The following ERC2 variants were observed in gnomAD, a reference collection of about 807,000 sequenced individuals.
ERC2 encodes ERC protein 2.
A neutral mutation model predicts 114.8 loss-of-function variants in ERC2; 42 were observed. That is an observed-to-expected ratio of 0.37 (90% CI 0.29 to 0.47). The LOEUF (loss-of-function observed/expected upper bound fraction) is 0.47, where lower values mean the gene tolerates loss of function less well. Ranked by LOEUF, ERC2 falls within the 20% of genes least tolerant of loss-of-function variation. The pLI, the probability that ERC2 is intolerant of heterozygous loss-of-function variation, is 0.99. For synonymous variants in ERC2, 454 were observed against 425.5 expected, an observed-to-expected ratio of 1.07 and a Z score of -0.82; for missense variants, 939 against 1,150.7, an observed-to-expected ratio of 0.82 and a Z score of 2.66.
intron 12 of ERC2, among the ~76,000 whole-genome samples, chr3:55,975,554 T>C (rs1454328680): frequency 6.6e-6 from 1 of 152,202 alleles, no homozygotes; most frequent in Non-Finnish European, 1.5e-5. Flanking sequence ...ATTTCATTAA[T>C]TATCCCTACA....
At chr3:56,460,464 T>C (rs1444696637) in intron 1 of ERC2, among the ~76,000 whole-genome samples, 2 of 152,234 alleles carry the variant, frequency 1.3e-5, no homozygotes, top group South Asian at 2.1e-4. Flanking sequence ...CCTGCCTTTA[T>C]GGAACTTATC....
intron 7 of ERC2, among the ~76,000 whole-genome samples, chr3:56,076,147 C>G (rs1166901664): frequency 2.6e-5 from 4 of 152,308 alleles, no homozygotes; most frequent in South Asian, 2.1e-4. Context: ...AGCCAGTGGA[C>G]TTGGCTTCCA....
intron 5 of ERC2, among the ~76,000 whole-genome samples, chr3:56,141,348 T>C (rs577713674): frequency 1.3e-5 from 2 of 152,334 alleles, no homozygotes; most frequent in African/African-American, 2.4e-5. Context: ...ATACCTGTTA[T>C]AGCCCTAGCC....
intron 14 of ERC2, among the ~76,000 whole-genome samples, chr3:55,780,286 A>G (rs371861528): frequency 1.1e-4 from 17 of 152,338 alleles, no homozygotes; most frequent in Admixed American, 9.2e-4. Context: ...AGTACATAAA[A>G]TCATGAAAAA....
At chr3:55,812,766 G>A (rs1368944194) in intron 14 of ERC2, among the ~76,000 whole-genome samples, 6 of 152,210 alleles carry the variant, frequency 3.9e-5, no homozygotes, top group Non-Finnish European at 7.3e-5. Context: ...AATAGGAGAG[G>A]GGGAAACCCC....
At chr3:55,826,609 T>C (rs990978551) in intron 14 of ERC2, among the ~76,000 whole-genome samples, 1 of 152,232 alleles carries the variant, frequency 6.6e-6, no homozygotes, top group African/African-American at 2.4e-5. Context: ...TTGTTTACTG[T>C]ATCAGATATA....
At chr3:56,448,445 C>T (rs1476771463) in intron 1 of ERC2, among the ~76,000 whole-genome samples, 1 of 152,164 alleles carries the variant, frequency 6.6e-6, no homozygotes, top group Non-Finnish European at 1.5e-5. Flanking sequence ...ACTTAGAATA[C>T]TTAGACTCCT....
chr3:56,107,515 T>G (rs768586886), intron 6 of ERC2, among the ~76,000 whole-genome samples: 3 of 152,060 alleles, frequency 2.0e-5, no homozygotes, highest in Non-Finnish European at 4.4e-5. Flanking sequence ...AGTTTCCTCA[T>G]CTGAAAAAAT....
intron 2 of ERC2, among the ~76,000 whole-genome samples, chr3:56,368,113 T>C (rs2150577923): frequency 6.7e-6 from 1 of 150,242 alleles, no homozygotes; most frequent in African/African-American, 2.4e-5. Flanking sequence ...TATCACTCAA[T>C]ATACCCATGT....
At chr3:55,700,302 G>A (rs1047010978) in intron 15 of ERC2, among the ~76,000 whole-genome samples, 2 of 152,150 alleles carry the variant, frequency 1.3e-5, no homozygotes, top group East Asian at 1.9e-4. Context: ...TAAAGACCAC[G>A]GGAAAAAAGC....
intron 12 of ERC2, among the ~76,000 whole-genome samples, chr3:55,958,161 CA>C: frequency 6.6e-6 from 1 of 152,190 alleles, no homozygotes; most frequent in East Asian, 1.9e-4. Context: ...TTTCTGCAGG[CA>C]GGTCATCCCA....
chr3:56,126,791 A>G (rs1265272778), intron 6 of ERC2, among the ~76,000 whole-genome samples: 1 of 65,342 alleles, frequency 1.5e-5, no homozygotes, highest in East Asian at 4.2e-4. Flanking sequence ...AAGAAAAGAA[A>G]GAAGGAAAGG....
intron 2 of ERC2, among the ~76,000 whole-genome samples, chr3:56,304,926 T>C (rs1183135837): frequency 6.6e-6 from 1 of 152,146 alleles, no homozygotes; most frequent in East Asian, 1.9e-4. Context: ...GAAATAAAAT[T>C]ACGCTATTAT....
chr3:55,672,222 T>G (rs762467859), intron 17 of ERC2, among the ~76,000 whole-genome samples: 1 of 150,890 alleles, frequency 6.6e-6, no homozygotes, highest in Non-Finnish European at 1.5e-5. Context: ...GTGTGCCTCC[T>G]AGCTACATGG....
chr3:56,015,410 G>T (rs1004014406), intron 8 of ERC2, among the ~76,000 whole-genome samples: 1 of 141,252 alleles, frequency 7.1e-6, no homozygotes, highest in South Asian at 2.2e-4. Context: ...CCTTCCCTGT[G>T]TCCATGTGTT....
chr3:55,958,083 G>A (rs914953545), intron 12 of ERC2, among the ~76,000 whole-genome samples: 1 of 152,206 alleles, frequency 6.6e-6, no homozygotes, highest in African/African-American at 2.4e-5. Context: ...ACTGGAGGGT[G>A]AGCAAGGTAG....
chr3:55,605,677 G>T (rs1486093174), intron 17 of ERC2, among the ~76,000 whole-genome samples: 5 of 152,118 alleles, frequency 3.3e-5, no homozygotes, highest in African/African-American at 7.2e-5. Flanking sequence ...ACTTCTGTAG[G>T]CAGTTATTAC....
At chr3:55,702,492 A>G (rs2063278281) in intron 15 of ERC2, among the ~76,000 whole-genome samples, 1 of 152,170 alleles carries the variant, frequency 6.6e-6, no homozygotes, top group African/African-American at 2.4e-5. Flanking sequence ...AAACAGTTTG[A>G]CCAATCTTGA....
chr3:56,371,983 G>T (rs1309456314), intron 2 of ERC2, among the ~76,000 whole-genome samples: 4 of 152,214 alleles, frequency 2.6e-5, no homozygotes, highest in African/African-American at 9.6e-5. Flanking sequence ...CTCTCATGCT[G>T]TGTTTTAGCC....
Sources: gnomAD v4.1 joint callset for allele counts (sites outside exome capture counted in the v4.1 genomes callset) on GRCh38, gnomAD v4.1.1 for gene constraint, MANE v1.5 for transcripts, NCBI Gene and HGNC (gene_info 2026-07-23, HGNC 2026-07-21) for gene names.